Variants in ARID1A observed in about 807,000 individuals in gnomAD.
ARID1A encodes the protein AT-rich interactive domain-containing protein 1A.
In ARID1A, 20 loss-of-function variants were observed where a neutral mutation model predicts 212.6. The ratio of observed to expected loss-of-function variants is 0.09; its 90% CI spans 0.07 to 0.14. The LOEUF (loss-of-function observed/expected upper bound fraction) is 0.14, where lower values mean the gene tolerates loss of function less well. Among genes scored for constraint, ARID1A ranks in the 10% least tolerant of loss-of-function variants. The pLI is 1.00. For missense variants in ARID1A, 2,587 were observed against 3,059.0 expected (o/e 0.85, Z 3.64); for synonymous variants, 1,376 against 1,222.1 (o/e 1.13, Z -2.63).
chr1:26,754,070 G>A (rs1488307223), intron 4 of ARID1A, among the ~76,000 whole-genome samples: 1 of 152,134 alleles, frequency 6.6e-6, no homozygotes. Flanking sequence ...GCCTCCCAAA[G>A]TGCTGGGATT....
chr1:26,742,489 C>T (rs1311533853), intron 4 of ARID1A, among the ~76,000 whole-genome samples: 1 of 152,128 alleles, frequency 6.6e-6, no homozygotes, highest in Non-Finnish European at 1.5e-5. Flanking sequence ...TAGATCCTTG[C>T]TACTCAGTGT....
At chr1:26,726,854 A>G (rs1014189018) in intron 1 of ARID1A, among the ~76,000 whole-genome samples, 6 of 152,242 alleles carry the variant, frequency 3.9e-5, no homozygotes, top group Non-Finnish European at 7.3e-5. Flanking sequence ...TGCTAACTGG[A>G]TTTACAATAG....
Position 26,779,445 on chromosome 1 carries a change from G to C in ARID1A, c.5547G>C (p.Gly1849=), listed in dbSNP as rs1373322061. ...TGCTGCACTGGCGGATTGGTGGGGG[G>C]GACACCACTGAGCATATCCAGACCC... is the stretch of plus-strand genomic sequence containing the variant. ...SGLLHWRIGG[G]DTTEHIQTHF... The change falls in exon 20 of 20, where the codon GGG becomes GGC. Residue 1849 remains glycine, a synonymous_variant. Coordinates refer to ENST00000324856, the MANE Select transcript of ARID1A (RefSeq NM_006015.6). The C allele has an allele frequency of 6.2e-7, 1 of 1,614,108 alleles. No individual in the cohort carries two copies. Among genetic ancestry groups the C allele is most frequent in the Non-Finnish European group, 8.5e-7 (1 of 1,180,022 alleles).
intron 7 of ARID1A, 139 bp downstream of exon 7, chr1:26,762,458 A>AGT (rs1299425106): frequency 4.2e-6 from 4 of 945,000 alleles, no homozygotes; most frequent in Non-Finnish European, 5.9e-6. Flanking sequence ...CAGGCCCTGA[A>AGT]GTAGGGCAAG....
chr1:26,729,898 G>A (rs2124785967), intron 2 of ARID1A, 35 bp downstream of exon 2: 1 of 1,600,646 alleles, frequency 6.2e-7, no homozygotes, highest in Non-Finnish European at 8.5e-7. Flanking sequence ...GACCCTTGTT[G>A]CTGTCCAAAA....
chr1:26,716,410 A>G (rs2080503587), intron 1 of ARID1A, among the ~76,000 whole-genome samples: 1 of 152,174 alleles, frequency 6.6e-6, no homozygotes, highest in Admixed American at 6.5e-5. Flanking sequence ...CTGTAGTTAC[A>G]GTTGTAATAA....
At position 26,735,112 on chromosome 1, in the gene ARID1A, C is replaced by T. The variant is rs72879074; in HGVS notation, c.1920+2320C>T. Among the ~76,000 whole-genome samples the T allele has an allele frequency of 9.9e-3, 1,503 of 151,274 alleles. 23 individuals carry two copies. Among genetic ancestry groups the T allele is most frequent in the African/African-American group, 0.034 (1,382 of 41,194 alleles). ...TTTTTGTTAATCTTAGAATAAAATCCAGAATTTTTTTTTTTTTTTTTTTGG... is the reference window on the plus strand; with the variant it reads ...TTTTTGTTAATCTTAGAATAAAATCTAGAATTTTTTTTTTTTTTTTTTTGG... On this transcript the variant is annotated intron_variant, in intron 4 of 19. Transcript: ENST00000324856.
chr1:26,722,897 T>C (rs932268154), intron 1 of ARID1A, among the ~76,000 whole-genome samples: 1 of 152,196 alleles, frequency 6.6e-6, no homozygotes, highest in Non-Finnish European at 1.5e-5. Context: ...AAATCTCTTA[T>C]TGTCCTAGGT....
In ARID1A at chr1:26,774,593, C is replaced by T. The variant is rs2124118872; in HGVS notation, c.4366C>T (p.Pro1456Ser). The change falls in exon 18 of 20, where the codon CCA (proline) becomes TCA (serine). Residue 1456 changes from proline (P) to serine (S), a missense_variant. Pro to Ser is a moderately conservative substitution (Grantham distance 74). This residue lies in a region of ARID1A where 890 missense variants were observed against 1,098.2 expected (regional missense o/e 0.81). Transcript: ENST00000324856. This position sits in a 1 kb window ranked among gnomAD's most constrained non-coding sequence, Gnocchi z 5.6. ...RPAGGPQNQFPFQFGRDRVSA... is the reference protein window; with the variant it reads ...RPAGGPQNQFSFQFGRDRVSA... ...AGCAGGCGGCCCCCAGAACCAATTT[C>T]CATTCCAGTTTGGCCGAGACCGTGT... 6.2e-7 allele frequency: 1 copy of T among 1,614,234 alleles called. No homozygotes were observed. The highest frequency in any genetic ancestry group is 8.5e-7 in the Non-Finnish European group (1 of 1,180,032).
intron 1 of ARID1A, among the ~76,000 whole-genome samples, chr1:26,708,010 A>G (rs1278522008): frequency 6.6e-6 from 1 of 152,206 alleles, no homozygotes; most frequent in African/African-American, 2.4e-5. Context: ...ATGGGGTGAA[A>G]GACTGAAAAG....
At chr1:26,757,053 C>G (rs1557605597) in intron 4 of ARID1A, among the ~76,000 whole-genome samples, 1 of 151,826 alleles carries the variant, frequency 6.6e-6, no homozygotes, top group Non-Finnish European at 1.5e-5. Context: ...ACTTGTATAA[C>G]AAGACACAAA....
chr1:26,742,805 C>G (rs979291410), intron 4 of ARID1A, among the ~76,000 whole-genome samples: 6 of 152,014 alleles, frequency 3.9e-5, no homozygotes, highest in African/African-American at 1.2e-4. Flanking sequence ...TCCATCTCTA[C>G]TAAAAATATA....
intron 1 of ARID1A, among the ~76,000 whole-genome samples, chr1:26,705,288 C>T: frequency 6.6e-6 from 1 of 152,164 alleles, no homozygotes; most frequent in South Asian, 2.1e-4. Flanking sequence ...TAGGCTTCCA[C>T]CACCATGCCC....
intron 1 of ARID1A, among the ~76,000 whole-genome samples, chr1:26,717,466 T>C (rs2080514302): frequency 6.6e-6 from 1 of 152,196 alleles, no homozygotes; most frequent in Non-Finnish European, 1.5e-5. Context: ...TACTTTTTTT[T>C]CTTTCTCAAA....
intron 1 of ARID1A, among the ~76,000 whole-genome samples, chr1:26,711,334 G>T (rs2080451768): frequency 6.6e-6 from 1 of 151,968 alleles, no homozygotes; most frequent in Non-Finnish European, 1.5e-5. Context: ...TGTTGGCCAT[G>T]CAAGTCTCAA....
intron 1 of ARID1A, among the ~76,000 whole-genome samples, chr1:26,700,068 C>T (rs2080317867): frequency 1.3e-5 from 2 of 152,196 alleles, no homozygotes; most frequent in Non-Finnish European, 2.9e-5. Flanking sequence ...TCCCCAGAGA[C>T]CCAGGGAATG....
At chr1:26,760,391 T>C (rs2080979466) in intron 4 of ARID1A, among the ~76,000 whole-genome samples, 1 of 152,204 alleles carries the variant, frequency 6.6e-6, no homozygotes, top group African/African-American at 2.4e-5. Context: ...ATGTAAGTTA[T>C]AGTATGATGA....
chr1:26,710,545 T>C (rs2080443750), intron 1 of ARID1A, among the ~76,000 whole-genome samples: 2 of 125,990 alleles, frequency 1.6e-5, no homozygotes, highest in Admixed American at 1.5e-4. Flanking sequence ...TTGTTCCAGC[T>C]TGAGAAGTGG....
chr1:26,729,511 T>C (rs113858773), intron 1 of ARID1A, 140 bp from the exon 2 acceptor site: 1 of 917,992 alleles, frequency 1.1e-6, no homozygotes, highest in Non-Finnish European at 1.7e-6. Flanking sequence ...TAAAGGTTAC[T>C]AGGTTGGTCT....
Sources: allele counts gnomAD v4.1 joint callset (sites outside exome capture counted in the v4.1 genomes callset), GRCh38; gene constraint gnomAD v4.1.1; regional missense constraint gnomAD v4.1.1; non-coding constraint Gnocchi (gnomAD v3.1); transcripts MANE v1.5; gene names NCBI Gene and HGNC (gene_info 2026-07-23, HGNC 2026-07-21).